The following DISP1 variants were observed in gnomAD, a reference collection of about 807,000 sequenced individuals.
The protein encoded by DISP1 is protein dispatched homolog 1.
A neutral mutation model predicts 37.3 loss-of-function variants in DISP1; 30 were observed. The observed-to-expected ratio is 0.80, with a 90% CI of 0.60 to 1.09. DISP1 has a LOEUF of 1.09. Among genes scored for constraint, DISP1 ranks in the 50% least tolerant of loss-of-function variants. DISP1 has a pLI of 0.00. For missense variants in DISP1, 1,598 were observed against 1,879.5 expected (o/e 0.85, Z 2.77); for synonymous variants, 634 against 690.2 (o/e 0.92, Z 1.28).
intron 3 of DISP1, among the ~76,000 whole-genome samples, chr1:222,957,591 T>TA (rs974425798): frequency 6.6e-6 from 1 of 151,832 alleles, no homozygotes; most frequent in African/African-American, 2.4e-5. Context: ...TCTGTCTCAA[T>TA]AAAAAAATAA....
Position 222,950,546 on chromosome 1 carries a change from T to G in DISP1, c.509+7214T>G, listed in dbSNP as rs537628657. On this transcript the variant is annotated intron_variant, in intron 3 of 8. Transcript: ENST00000675850. ...ACCCGGGAGGCAGAGCTTGCAGTGA[T>G]CTGAGATCGCACCACTGCACTCCGG... 3.7e-4 allele frequency among the ~76,000 whole-genome samples: 56 copies of G among 151,658 alleles called. No individual in the cohort carries two copies. In the South Asian group the frequency reaches 0.011, roughly 31 times the overall value.
At chr1:222,879,242 C>G (rs1670142652) in intron 1 of DISP1, among the ~76,000 whole-genome samples, 1 of 152,116 alleles carries the variant, frequency 6.6e-6, no homozygotes, top group Non-Finnish European at 1.5e-5. Context: ...CCTGGCTTAG[C>G]TCTGTGTGAA....
At chr1:222,845,408 T>A (rs1667845352) in intron 1 of DISP1, among the ~76,000 whole-genome samples, 1 of 152,190 alleles carries the variant, frequency 6.6e-6, no homozygotes, top group Admixed American at 6.5e-5. Flanking sequence ...TACTGTTGCT[T>A]AAAAGGACTC....
chr1:222,938,587 G>A (rs1224400196), intron 2 of DISP1, among the ~76,000 whole-genome samples: 2 of 151,716 alleles, frequency 1.3e-5, no homozygotes, highest in Non-Finnish European at 2.9e-5. Flanking sequence ...TTAAAAATTA[G>A]CATGACATGA....
intron 3 of DISP1, among the ~76,000 whole-genome samples, chr1:222,947,880 G>A (rs528602524): frequency 6.6e-6 from 1 of 152,158 alleles, no homozygotes; most frequent in Non-Finnish European, 1.5e-5. Flanking sequence ...ACACTATAAG[G>A]CTTGTTGCAG....
At chr1:222,934,934 A>T (rs1890615) in intron 2 of DISP1, among the ~76,000 whole-genome samples, 83,550 of 151,966 alleles carry the variant, frequency 0.55, 23,343 homozygotes, top group South Asian at 0.72. Context: ...TTGCCTTAAA[A>T]AGAAAAATGG....
chr1:222,961,406 A>G lies in DISP1; in HGVS notation c.509+18074A>G, dbSNP rs186676448. 5.1e-3 allele frequency among the ~76,000 whole-genome samples: 772 copies of G among 152,360 alleles called. 4 individuals carry two copies. Among genetic ancestry groups the G allele is most frequent in the African/African-American group, 0.017 (704 of 41,578 alleles). ...TCAATAGATACAGAAAAGGCCTTTGATAAAATTCAACATCTCTTCATGTTA... is the reference window on the plus strand; with the variant it reads ...TCAATAGATACAGAAAAGGCCTTTGGTAAAATTCAACATCTCTTCATGTTA... On this transcript the variant is annotated intron_variant, in intron 3 of 8. Coordinates refer to ENST00000675850, the MANE Select transcript of DISP1 (RefSeq NM_001377229.1).
chr1:222,980,472 A>G (rs1677753192), intron 3 of DISP1, among the ~76,000 whole-genome samples: 1 of 151,952 alleles, frequency 6.6e-6, no homozygotes, highest in South Asian at 2.1e-4. Flanking sequence ...AATTACCTAT[A>G]TTAATATTTA....
At chr1:222,985,775 A>AT (rs1572701466) in intron 4 of DISP1, among the ~76,000 whole-genome samples, 1 of 152,174 alleles carries the variant, frequency 6.6e-6, no homozygotes, top group African/African-American at 2.4e-5. Context: ...CAAGTCTGCC[A>AT]TTTTTGTATT....
Position 222,902,801 on chromosome 1 carries a change from A to ACAGGTGC in DISP1, c.-158-25628_-158-25622dup, listed in dbSNP as rs1402508637. On this transcript the variant is annotated intron_variant, in intron 1 of 8. Coordinates refer to ENST00000675850, the MANE Select transcript of DISP1 (RefSeq NM_001377229.1). Reference sequence around the variant, plus strand: ...GCGATCATTAAAAAGTCAGGAAACAACAGGTGCTGGAGAGGATGTGGAGAA... The same window carrying ACAGGTGC: ...GCGATCATTAAAAAGTCAGGAAACAACAGGTGCCAGGTGCTGGAGAGGATGTGGAGAA... Among the ~76,000 whole-genome samples the ACAGGTGC allele has an allele frequency of 1.6e-4, 25 of 151,948 alleles. 1 individual carries two copies. In the South Asian group the frequency reaches 5.2e-3, roughly 32 times the overall value.
At chr1:222,879,916 A>G (rs1670181167) in intron 1 of DISP1, among the ~76,000 whole-genome samples, 1 of 152,190 alleles carries the variant, frequency 6.6e-6, no homozygotes, top group African/African-American at 2.4e-5. Context: ...CCTGTGGAAT[A>G]TAGAGGAGCA....
At chr1:222,838,696 C>T (rs1447637345) in intron 1 of DISP1, among the ~76,000 whole-genome samples, 2 of 152,196 alleles carry the variant, frequency 1.3e-5, no homozygotes, top group Non-Finnish European at 2.9e-5. Context: ...TGCTTGAGCT[C>T]AGAGTTAGAG....
At chr1:222,991,364 G>A (rs1402061685) in intron 5 of DISP1, among the ~76,000 whole-genome samples, 156 bp from the exon 6 acceptor site, 3 of 152,208 alleles carry the variant, frequency 2.0e-5, no homozygotes, top group Non-Finnish European at 4.4e-5. Flanking sequence ...AAGGCATCTT[G>A]TTTTAATGCA....
At chr1:222,999,718 T>C (rs546082517) in intron 8 of DISP1, among the ~76,000 whole-genome samples, 7 of 152,206 alleles carry the variant, frequency 4.6e-5, no homozygotes, top group Non-Finnish European at 1.0e-4. Context: ...ATCCAGAACA[T>C]ATGACCTTAC....
chr1:222,887,734 A>G (rs1355244825), intron 1 of DISP1, among the ~76,000 whole-genome samples: 4 of 148,060 alleles, frequency 2.7e-5, no homozygotes, highest in Non-Finnish European at 6.0e-5. Context: ...TCCTGACCTC[A>G]TGATCCACCC....
chr1:222,995,054 A>G, intron 8 of DISP1, 72 bp downstream of exon 8: 1 of 1,261,464 alleles, frequency 7.9e-7, no homozygotes, highest in South Asian at 1.2e-5. Flanking sequence ...TTTACTGCTG[A>G]CCCTGGTTTC....
chr1:222,825,535 C>G (rs1186094985), intron 1 of DISP1, among the ~76,000 whole-genome samples: 2 of 143,480 alleles, frequency 1.4e-5, no homozygotes, highest in Admixed American at 7.1e-5. Context: ...GAGTCTCACT[C>G]TGTCACCCAG....
At chr1:222,860,090 C>T (rs1668790626) in intron 1 of DISP1, among the ~76,000 whole-genome samples, 2 of 152,126 alleles carry the variant, frequency 1.3e-5, no homozygotes, top group Admixed American at 6.5e-5. Flanking sequence ...GAGTTTTGCT[C>T]TTGTTGCCCA....
At chr1:222,996,826 T>C (rs185745324) in intron 8 of DISP1, among the ~76,000 whole-genome samples, 21 of 152,280 alleles carry the variant, frequency 1.4e-4, no homozygotes, top group African/African-American at 4.6e-4. Context: ...TCCCCCGTTT[T>C]GTTTCCTGTA....
Sources: allele counts gnomAD v4.1 joint callset (sites outside exome capture counted in the v4.1 genomes callset), GRCh38; gene constraint gnomAD v4.1.1; transcripts MANE v1.5; gene names NCBI Gene and HGNC (gene_info 2026-07-23, HGNC 2026-07-21).